The following BAZ2B variants were observed in gnomAD, a reference collection of about 807,000 sequenced individuals.
BAZ2B encodes bromodomain adjacent to zinc finger domain 2B, also known as bromodomain adjacent to zinc finger domain protein 2B.
Under a neutral mutation model 246.0 loss-of-function variants are expected in BAZ2B, and 91 were observed. The observed-to-expected ratio is 0.37, with a 90% CI of 0.31 to 0.44. BAZ2B has a LOEUF of 0.44. Ranked by LOEUF, BAZ2B falls within the 20% of genes least tolerant of loss-of-function variation. The pLI, the probability that BAZ2B is intolerant of heterozygous loss-of-function variation, is 1.00. For missense variants in BAZ2B, 2,332 were observed against 2,533.7 expected (o/e 0.92, Z 1.71); for synonymous variants, 855 against 860.0 (o/e 0.99, Z 0.10).
At chr2:159,396,986 G>C in intron 19 of BAZ2B, 1 of 1,066,292 alleles carries the variant, frequency 9.4e-7, no homozygotes, top group Non-Finnish European at 1.3e-6. Flanking sequence ...ACAGCAGCCA[G>C]TGCTACACTT....
the BAZ2B span, among the ~76,000 whole-genome samples, chr2:159,637,343 C>G: frequency 6.6e-6 from 1 of 152,156 alleles, no homozygotes; most frequent in Non-Finnish European, 1.5e-5. Context: ...AGTCCCAGGC[C>G]TGGCAGCATT....
At chr2:159,408,599 G>T (rs2066322914) in intron 14 of BAZ2B, among the ~76,000 whole-genome samples, 1 of 151,966 alleles carries the variant, frequency 6.6e-6, no homozygotes, top group Non-Finnish European at 1.5e-5. Flanking sequence ...TTACATTATG[G>T]GCAGTTGGAA....
At chr2:159,644,784 A>T in the BAZ2B span, among the ~76,000 whole-genome samples, 1 of 152,144 alleles carries the variant, frequency 6.6e-6, no homozygotes, top group Non-Finnish European at 1.5e-5. Flanking sequence ...TTTCTTTATC[A>T]AGTGGTTCTT....
chr2:159,403,804 T>A (rs145962414), intron 16 of BAZ2B, among the ~76,000 whole-genome samples: 5 of 152,256 alleles, frequency 3.3e-5, no homozygotes, highest in African/African-American at 9.6e-5. Flanking sequence ...ATGTTCATTA[T>A]CTCATTTATT....
chr2:159,537,851 GAAGT>G (rs1406780644), intron 2 of BAZ2B, among the ~76,000 whole-genome samples: 4 of 152,000 alleles, frequency 2.6e-5, no homozygotes, highest in Non-Finnish European at 4.4e-5. Context: ...ACAGTTAGCT[GAAGT>G]AAGTGTGTAT....
chr2:159,395,734 T>C, intron 20 of BAZ2B, 35 bp downstream of exon 20: 2 of 1,532,856 alleles, frequency 1.3e-6, no homozygotes, highest in Non-Finnish European at 1.8e-6. Flanking sequence ...AGCATTACTT[T>C]ATAAGGTAAT....
At chr2:159,489,576 C>T (rs1372619645) in intron 2 of BAZ2B, among the ~76,000 whole-genome samples, 1 of 152,098 alleles carries the variant, frequency 6.6e-6, no homozygotes, top group African/African-American at 2.4e-5. Context: ...GATGAGCAAA[C>T]CCCAAACCGG....
At chr2:159,651,152 G>C in the BAZ2B span, among the ~76,000 whole-genome samples, 4 of 152,008 alleles carry the variant, frequency 2.6e-5, no homozygotes, top group Non-Finnish European at 5.9e-5. Flanking sequence ...TCCAAGAATT[G>C]CAATGCACTT....
chr2:159,558,568 T>C (rs899530107), intron 1 of BAZ2B, among the ~76,000 whole-genome samples: 1 of 151,944 alleles, frequency 6.6e-6, no homozygotes, highest in African/African-American at 2.4e-5. Context: ...CTCCAGCAGG[T>C]AGAAATTTAG....
At chr2:159,400,556 T>C (rs372655624) in intron 17 of BAZ2B, 43 bp downstream of exon 17, 9 of 1,228,416 alleles carry the variant, frequency 7.3e-6, no homozygotes, top group African/African-American at 6.3e-5. Context: ...CTTAAAAATA[T>C]ATGGCTAAAT....
rs184070490 is a variant in BAZ2B at position 159,468,858 on chromosome 2, C to T, written c.145+9717G>A. On this transcript the variant is annotated intron_variant, in intron 3 of 36. Transcript: ENST00000392783. ...AGGAGTTCAAGACCAGCATGGCCAA[C>T]ACAGTGAAACCCCGTCTCTACTAAA... Among the ~76,000 whole-genome samples the T allele has an allele frequency of 7.3e-3, 1,107 of 152,096 alleles. 12 individuals are homozygous for T. The highest frequency in any genetic ancestry group is 0.02 in the Middle Eastern group (6 of 294).
chr2:159,511,653 C>T (rs1037904230), intron 2 of BAZ2B, among the ~76,000 whole-genome samples: 4 of 152,130 alleles, frequency 2.6e-5, no homozygotes, highest in South Asian at 2.1e-4. Context: ...AAGACATTGT[C>T]CAAATAAAAC....
intron 27 of BAZ2B, among the ~76,000 whole-genome samples, chr2:159,364,287 A>G (rs3771688): frequency 0.77 from 117,604 of 152,170 alleles, 46,471 homozygotes; most frequent in Middle Eastern, 0.89. Context: ...CATGTTACCT[A>G]TGGCTGAAAG....
chr2:159,609,615 GT>G (rs776666561), intron 1 of BAZ2B, among the ~76,000 whole-genome samples: 14 of 152,146 alleles, frequency 9.2e-5, no homozygotes, highest in South Asian at 2.1e-4. Context: ...ATCTAGGTTT[GT>G]TTGGTTGATT....
At chr2:159,464,236 A>T (rs2076767678) in intron 3 of BAZ2B, 1 of 152,192 alleles carries the variant, frequency 6.6e-6, no homozygotes, top group South Asian at 2.1e-4. Context: ...TCTCTGTCCC[A>T]AGATCCAATC....
At chr2:159,623,172 GGGAA>G in the BAZ2B span, among the ~76,000 whole-genome samples, 7 of 150,734 alleles carry the variant, frequency 4.6e-5, no homozygotes, top group South Asian at 2.1e-4. Flanking sequence ...GAGGGAAGGA[GGGAA>G]GGAAGGAAGG....
At chr2:159,495,709 G>A (rs568601063) in intron 2 of BAZ2B, among the ~76,000 whole-genome samples, 4 of 151,780 alleles carry the variant, frequency 2.6e-5, no homozygotes, top group Non-Finnish European at 4.4e-5. Context: ...TAGTGTTGGA[G>A]TAAAATAGGA....
intron 2 of BAZ2B, among the ~76,000 whole-genome samples, chr2:159,522,546 C>G (rs2084246243): frequency 6.6e-6 from 1 of 152,068 alleles, no homozygotes; most frequent in South Asian, 2.1e-4. Flanking sequence ...CAAACAATAC[C>G]CTGCAAAAAT....
At chr2:159,625,596 G>A in the BAZ2B span, among the ~76,000 whole-genome samples, 1 of 152,156 alleles carries the variant, frequency 6.6e-6, no homozygotes, top group African/African-American at 2.4e-5. Flanking sequence ...AAGCAAAGGA[G>A]AAATGAAATC....
Sources: allele counts gnomAD v4.1 joint callset (sites outside exome capture counted in the v4.1 genomes callset), GRCh38; gene constraint gnomAD v4.1.1; transcripts MANE v1.5; gene names NCBI Gene and HGNC (gene_info 2026-07-23, HGNC 2026-07-21).